ASIC2: variants seen among roughly 807,000 people sequenced by gnomAD.
ASIC2 encodes the protein acid sensing ion channel subunit 2, also known as acid-sensing ion channel 2.
A neutral mutation model predicts 57.3 loss-of-function variants in ASIC2; 25 were observed. That is an observed-to-expected ratio of 0.44 (90% CI 0.32 to 0.61). The LOEUF is 0.61. Among genes scored for constraint, ASIC2 ranks in the 20% least tolerant of loss-of-function variants. ASIC2 has a pLI of 0.06. For synonymous variants in ASIC2, 319 were observed against 307.5 expected (o/e 1.04, Z -0.39); for missense variants, 641 against 738.1 (o/e 0.87, Z 1.52).
intron 1 of ASIC2, among the ~76,000 whole-genome samples, chr17:33,823,636 C>T (rs937705125): frequency 6.6e-6 from 1 of 152,170 alleles, no homozygotes; most frequent in Non-Finnish European, 1.5e-5. Context: ...CCTTTCTGTT[C>T]CTTCATTCGC....
intron 1 of ASIC2, among the ~76,000 whole-genome samples, chr17:33,533,148 C>T (rs1357629977): frequency 2.0e-5 from 3 of 152,002 alleles, no homozygotes; most frequent in Non-Finnish European, 4.4e-5. Context: ...GAGTTCAAGA[C>T]CAGCCTGGCC....
At chr17:33,928,113 G>T (rs1372182381) in intron 1 of ASIC2, among the ~76,000 whole-genome samples, 4 of 152,004 alleles carry the variant, frequency 2.6e-5, no homozygotes, top group Admixed American at 2.0e-4. Flanking sequence ...TAGCTTTTTG[G>T]TTTTTTTCCC....
At chr17:34,081,745 C>T (rs1017562435) in intron 1 of ASIC2, among the ~76,000 whole-genome samples, 12 of 152,226 alleles carry the variant, frequency 7.9e-5, no homozygotes, top group African/African-American at 2.7e-4. Context: ...TCTTAACACT[C>T]CTGCTACATT....
At chr17:33,516,209 G>T (rs1259153685) in intron 1 of ASIC2, among the ~76,000 whole-genome samples, 1 of 152,190 alleles carries the variant, frequency 6.6e-6, no homozygotes, top group Non-Finnish European at 1.5e-5. Flanking sequence ...GCAGAGATGT[G>T]CTGAAAGATA....
At chr17:34,086,384 T>A (rs1910113353) in intron 1 of ASIC2, among the ~76,000 whole-genome samples, 1 of 152,246 alleles carries the variant, frequency 6.6e-6, no homozygotes, top group South Asian at 2.1e-4. Context: ...TCTAATTTGA[T>A]TGCACTGTGG....
At chr17:33,309,351 A>C (rs1906311552) in intron 1 of ASIC2, among the ~76,000 whole-genome samples, 1 of 152,214 alleles carries the variant, frequency 6.6e-6, no homozygotes, top group South Asian at 2.1e-4. Context: ...ACATCGGTAG[A>C]TTCAATATTT....
intron 1 of ASIC2, among the ~76,000 whole-genome samples, chr17:33,547,591 C>T (rs1052030548): frequency 1.3e-5 from 2 of 152,144 alleles, no homozygotes; most frequent in Admixed American, 6.5e-5. Flanking sequence ...TGCCATTGGA[C>T]CTATGGATAG....
intron 3 of ASIC2, among the ~76,000 whole-genome samples, chr17:33,063,856 T>A (rs539551340): frequency 6.6e-6 from 1 of 152,310 alleles, no homozygotes; most frequent in South Asian, 2.1e-4. Flanking sequence ...GCTTTGTTCG[T>A]TTCTTTTTAT....
intron 1 of ASIC2, among the ~76,000 whole-genome samples, chr17:34,110,296 T>C (rs1911223169): frequency 6.6e-6 from 1 of 152,212 alleles, no homozygotes. Context: ...GAATACTTTC[T>C]AAGGTATTGC....
intron 1 of ASIC2, chr17:33,791,729 A>C (rs1223563984): frequency 1.3e-5 from 2 of 151,876 alleles, no homozygotes; most frequent in Non-Finnish European, 2.9e-5. Context: ...TGGAAATAAT[A>C]ATAGTACTAA....
intron 1 of ASIC2, among the ~76,000 whole-genome samples, chr17:33,711,781 C>G (rs947287004): frequency 1.3e-5 from 2 of 152,142 alleles, no homozygotes; most frequent in African/African-American, 4.8e-5. Flanking sequence ...CCCCCAAAAT[C>G]CAATCACCTC....
intron 1 of ASIC2, among the ~76,000 whole-genome samples, chr17:33,612,032 G>A (rs111471779): frequency 5.4e-4 from 83 of 152,308 alleles, no homozygotes; most frequent in African/African-American, 1.8e-3. Context: ...CCAAGTCCAC[G>A]TCTGAAGGAA....
intron 1 of ASIC2, among the ~76,000 whole-genome samples, chr17:34,096,008 C>T (rs1226294295): frequency 6.6e-6 from 1 of 152,054 alleles, no homozygotes; most frequent in Non-Finnish European, 1.5e-5. Flanking sequence ...AGATCAAAAT[C>T]AAATAAATTG....
At chr17:33,140,579 G>A (rs1387337595) in intron 1 of ASIC2, among the ~76,000 whole-genome samples, 4 of 152,180 alleles carry the variant, frequency 2.6e-5, no homozygotes, top group Admixed American at 6.5e-5. Flanking sequence ...CCCATGAAAA[G>A]CTATTTCCTC....
intron 1 of ASIC2, among the ~76,000 whole-genome samples, chr17:33,627,442 C>T (rs1906022584): frequency 6.6e-6 from 1 of 152,218 alleles, no homozygotes; most frequent in Admixed American, 6.5e-5. Context: ...TGCAGGCGTA[C>T]AGAGGCAAGT....
intron 1 of ASIC2, among the ~76,000 whole-genome samples, chr17:34,011,293 C>G (rs749186345): frequency 1.3e-5 from 2 of 152,104 alleles, no homozygotes; most frequent in Admixed American, 1.3e-4. Context: ...TTTTCATGCC[C>G]GTGCCTTCCT....
intron 1 of ASIC2, among the ~76,000 whole-genome samples, chr17:33,478,169 A>G (rs951491710): frequency 6.6e-6 from 1 of 152,216 alleles, no homozygotes; most frequent in Non-Finnish European, 1.5e-5. Flanking sequence ...CCAATGGCGG[A>G]GAGCTACCTT....
At chr17:34,122,043 T>C (rs1287617464) in intron 1 of ASIC2, among the ~76,000 whole-genome samples, 5 of 152,238 alleles carry the variant, frequency 3.3e-5, no homozygotes, top group Non-Finnish European at 5.9e-5. Flanking sequence ...CCAAAGCCCA[T>C]ATGGGCACAG....
intron 1 of ASIC2, among the ~76,000 whole-genome samples, chr17:33,903,573 C>A (rs1219875600): frequency 6.6e-6 from 1 of 152,208 alleles, no homozygotes; most frequent in Non-Finnish European, 1.5e-5. Context: ...AGCCCAGAAT[C>A]TCCCAGTTTA....
Sources: gnomAD v4.1 joint callset for allele counts (sites outside exome capture counted in the v4.1 genomes callset) on GRCh38, gnomAD v4.1.1 for gene constraint, MANE v1.5 for transcripts, NCBI Gene and HGNC (gene_info 2026-07-23, HGNC 2026-07-21) for gene names.